SPECC1L: variants seen among roughly 807,000 people sequenced by gnomAD.
SPECC1L encodes the protein sperm antigen with calponin homology and coiled-coil domains 1 like.
In SPECC1L, 40 loss-of-function variants were observed where a neutral mutation model predicts 116.8. That is an observed-to-expected ratio of 0.34 (90% confidence interval 0.27 to 0.45). SPECC1L has a LOEUF of 0.45. Among genes scored for constraint, SPECC1L ranks in the 20% least tolerant of loss-of-function variants. SPECC1L has a pLI of 1.00. For missense variants in SPECC1L, 1,110 were observed against 1,373.6 expected (o/e 0.81, Z 3.03); for synonymous variants, 504 against 500.6 (o/e 1.01, Z -0.09).
intron 2 of SPECC1L, among the ~76,000 whole-genome samples, chr22:24,296,558 TGAGCAAAGTTGGAGAAGAGA>T (rs1475117948): frequency 1.3e-5 from 2 of 152,238 alleles, no homozygotes; most frequent in African/African-American, 4.8e-5. Flanking sequence ...GTGACACCCT[TGAGCAAAGTTGGAGAAGAGA>T]GAGTGGTAAT....
At chr22:24,302,062 T>C in intron 2 of SPECC1L, 133 bp from the exon 3 acceptor site, 1 of 721,714 alleles carries the variant, frequency 1.4e-6, no homozygotes, top group Admixed American at 2.9e-5. Context: ...AAAAAAAAAT[T>C]TTTTTTCAAC....
chr22:24,293,507 G>A (rs1183288659), intron 2 of SPECC1L, among the ~76,000 whole-genome samples: 7 of 152,152 alleles, frequency 4.6e-5, no homozygotes, highest in Admixed American at 4.6e-4. Flanking sequence ...AGCAGTTTGT[G>A]TGGTAAAAGA....
intron 2 of SPECC1L, among the ~76,000 whole-genome samples, chr22:24,286,620 A>T (rs894141595): frequency 1.3e-5 from 2 of 152,168 alleles, no homozygotes; most frequent in African/African-American, 2.4e-5. Context: ...TTGTCCTACC[A>T]CTAAGAAGTG....
chr22:24,363,285 C>T lies in SPECC1L; in HGVS notation c.2768C>T (p.Ala923Val). The change falls in exon 12 of 17, where the codon GCC becomes GTC. Residue 923 changes from alanine (A) to valine (V), a missense_variant. Coordinates refer to ENST00000314328, the MANE Select transcript of SPECC1L (RefSeq NM_015330.6). Reference protein sequence around the residue: ...VQEHLLRTSSASRPASLPRVP... With the variant: ...VQEHLLRTSSVSRPASLPRVP... ...GAGCATCTGTTAAGAACATCTTCAG[C>T]CAGCCGGCCTGCTTCCCTGCCAAGA... The T allele has an allele frequency of 6.2e-7, 1 of 1,614,124 alleles. No homozygotes were observed. Among genetic ancestry groups the T allele is most frequent in the Non-Finnish European group, 8.5e-7 (1 of 1,179,980 alleles).
chr22:24,275,982 G>GGAT (rs2146321901), intron 1 of SPECC1L, among the ~76,000 whole-genome samples: 1 of 152,304 alleles, frequency 6.6e-6, no homozygotes, highest in Admixed American at 6.5e-5. Context: ...CTAAGTGTTG[G>GGAT]GATTACAGGT....
intron 4 of SPECC1L, among the ~76,000 whole-genome samples, chr22:24,320,371 T>C (rs1395704388): frequency 2.6e-5 from 4 of 152,232 alleles, no homozygotes; most frequent in African/African-American, 9.6e-5. Flanking sequence ...AAAATTTTAG[T>C]AGTTAAGTAA....
chr22:24,364,307 C>G (rs1474181172), intron 12 of SPECC1L, among the ~76,000 whole-genome samples: 1 of 152,124 alleles, frequency 6.6e-6, no homozygotes, highest in Non-Finnish European at 1.5e-5. Flanking sequence ...AAGATTGTTG[C>G]TATTTCCCAA....
intron 1 of SPECC1L, among the ~76,000 whole-genome samples, chr22:24,273,221 A>G (rs907892867): frequency 1.3e-5 from 2 of 152,196 alleles, no homozygotes; most frequent in African/African-American, 4.8e-5. Context: ...GATATTTCGA[A>G]TGACTTAAGT....
intron 14 of SPECC1L, among the ~76,000 whole-genome samples, chr22:24,374,070 A>G (rs1042138811): frequency 2.6e-5 from 4 of 152,142 alleles, no homozygotes; most frequent in Non-Finnish European, 4.4e-5. Flanking sequence ...AACCACAATG[A>G]GATACCATCT....
At chr22:24,280,326 GAGT>G (rs1479703484) in intron 2 of SPECC1L, among the ~76,000 whole-genome samples, 3 of 151,878 alleles carry the variant, frequency 2.0e-5, no homozygotes, top group Admixed American at 2.0e-4. Flanking sequence ...GGGTTTTGAG[GAGT>G]AGCTGGGGCT....
intron 6 of SPECC1L, among the ~76,000 whole-genome samples, chr22:24,326,113 C>T (rs779907045): frequency 6.6e-6 from 1 of 152,038 alleles, no homozygotes; most frequent in Non-Finnish European, 1.5e-5. Context: ...ACTACCACAC[C>T]CGGCTAATTT....
intron 3 of SPECC1L, among the ~76,000 whole-genome samples, chr22:24,311,686 T>C (rs1190406489): frequency 6.6e-6 from 1 of 151,644 alleles, no homozygotes; most frequent in Non-Finnish European, 1.5e-5. Context: ...ATGCCTGTAG[T>C]CCTAGCTACT....
At chr22:24,292,887 C>T (rs1290341325) in intron 2 of SPECC1L, among the ~76,000 whole-genome samples, 3 of 152,130 alleles carry the variant, frequency 2.0e-5, no homozygotes, top group Non-Finnish European at 4.4e-5. Context: ...TAAAAGTATC[C>T]TAAAGGCTGG....
chr22:24,283,351 T>G (rs966113860), intron 2 of SPECC1L, among the ~76,000 whole-genome samples: 2 of 152,254 alleles, frequency 1.3e-5, no homozygotes, highest in African/African-American at 4.8e-5. Context: ...GTGCTGGGAT[T>G]ACAGGCGTGA....
At chr22:24,324,568 AGGCTG>A in intron 6 of SPECC1L, 141 bp downstream of exon 6, 1 of 770,688 alleles carries the variant, frequency 1.3e-6, no homozygotes, top group Non-Finnish European at 2.2e-6. Context: ...AAACCGAACC[AGGCTG>A]GGCACAGTGG....
intron 10 of SPECC1L, chr22:24,343,545 C>T (rs2041225225): frequency 4.6e-6 from 2 of 435,024 alleles, no homozygotes; most frequent in South Asian, 1.6e-5. Context: ...ACTGCAACCT[C>T]TGCCTCCTGG....
At chr22:24,389,608 T>A (rs1395862787) in intron 14 of SPECC1L, among the ~76,000 whole-genome samples, 2 of 151,958 alleles carry the variant, frequency 1.3e-5, no homozygotes, top group African/African-American at 4.8e-5. Context: ...GGGATTCTTT[T>A]TTATTTTCCC....
At chr22:24,341,354 A>G (rs762959343) in intron 10 of SPECC1L, among the ~76,000 whole-genome samples, 1 of 152,242 alleles carries the variant, frequency 6.6e-6, no homozygotes, top group Non-Finnish European at 1.5e-5. Context: ...ACAGGGAGCT[A>G]TCACACAAAC....
intron 3 of SPECC1L, among the ~76,000 whole-genome samples, chr22:24,305,023 G>T (rs1210699114): frequency 6.6e-6 from 1 of 152,166 alleles, no homozygotes; most frequent in African/African-American, 2.4e-5. Flanking sequence ...CTGATGGGGG[G>T]TGTTTATGTG....
Sources: allele counts gnomAD v4.1 joint callset (sites outside exome capture counted in the v4.1 genomes callset), GRCh38; gene constraint gnomAD v4.1.1; transcripts MANE v1.5; gene names NCBI Gene and HGNC (gene_info 2026-07-23, HGNC 2026-07-21).